Variants in ITPR1 observed in about 807,000 individuals in gnomAD.
The protein encoded by ITPR1 is inositol 1,4,5-trisphosphate receptor type 1, also known as inositol 1,4,5-trisphosphate-gated calcium channel ITPR1.
In ITPR1, 96 loss-of-function variants were observed where a neutral mutation model predicts 318.4. The ratio of observed to expected loss-of-function variants is 0.30; its 90% confidence interval spans 0.26 to 0.36. The LOEUF (loss-of-function observed/expected upper bound fraction) is 0.36. Among genes scored for constraint, ITPR1 ranks in the 10% least tolerant of loss-of-function variants. ITPR1 has a pLI of 1.00. For missense variants in ITPR1, 2,440 were observed against 3,460.2 expected (o/e 0.71, Z 7.40); for synonymous variants, 1,312 against 1,289.9 (o/e 1.02, Z -0.37).
At chr3:4,573,793 T>C (rs2088292900) in intron 4 of ITPR1, among the ~76,000 whole-genome samples, 1 of 152,236 alleles carries the variant, frequency 6.6e-6, no homozygotes, top group Non-Finnish European at 1.5e-5. Context: ...TGTCAACTTT[T>C]TCTATTCTCT....
intron 4 of ITPR1, among the ~76,000 whole-genome samples, chr3:4,581,601 CT>C (rs2089348136): frequency 6.6e-6 from 1 of 152,244 alleles, no homozygotes; most frequent in African/African-American, 2.4e-5. Context: ...AAGCAAACAT[CT>C]ATTTTTGCTT....
At chr3:4,584,489 A>T (rs2089673133) in intron 4 of ITPR1, among the ~76,000 whole-genome samples, 1 of 151,558 alleles carries the variant, frequency 6.6e-6, no homozygotes, top group African/African-American at 2.4e-5. Context: ...GGAAGCGGGG[A>T]GGAGAGGAGA....
chr3:4,523,868 A>G (rs905871401), intron 4 of ITPR1, among the ~76,000 whole-genome samples: 7 of 152,214 alleles, frequency 4.6e-5, no homozygotes, highest in Non-Finnish European at 1.0e-4. Context: ...GGATGTATGT[A>G]TGGTGGCTGA....
At chr3:4,535,696 C>T (rs1011659658) in intron 4 of ITPR1, among the ~76,000 whole-genome samples, 3 of 151,996 alleles carry the variant, frequency 2.0e-5, no homozygotes, top group East Asian at 1.9e-4. Flanking sequence ...CCACCCGCCT[C>T]GGCCTCCCAA....
rs1223462798 is a variant in ITPR1, at chr3:4,779,268, T to C, written c.6292-282T>C. On this transcript the variant is annotated intron_variant, in intron 48 of 61. Coordinates refer to ENST00000649015, the MANE Select transcript of ITPR1 (RefSeq NM_001378452.1). This position sits in a 1 kb window ranked among gnomAD's most constrained non-coding sequence, Gnocchi z 4.0. ...CCACGTGTAAATTCCCAATTTCTTC[T>C]AGGACTTGTACCAGCTAACATTAGG... 1.3e-5 allele frequency among the ~76,000 whole-genome samples: 2 copies of C among 152,228 alleles called. No individual in the cohort carries two copies. Among genetic ancestry groups the C allele is most frequent in the African/African-American group, 4.8e-5 (2 of 41,458 alleles).
chr3:4,793,292 C>T (rs1381021549), intron 52 of ITPR1, among the ~76,000 whole-genome samples: 7 of 152,210 alleles, frequency 4.6e-5, no homozygotes, highest in Non-Finnish European at 7.3e-5. Context: ...ACATTTGATA[C>T]GGAGCACTCC....
At chr3:4,617,328 C>T (rs2092425736) in intron 4 of ITPR1, among the ~76,000 whole-genome samples, 1 of 152,146 alleles carries the variant, frequency 6.6e-6, no homozygotes, top group Non-Finnish European at 1.5e-5. Flanking sequence ...AAGGTGCCAG[C>T]AGGTTTTGGT....
intron 4 of ITPR1, among the ~76,000 whole-genome samples, chr3:4,537,726 T>G (rs997748965): frequency 2.8e-5 from 4 of 145,006 alleles, no homozygotes; most frequent in African/African-American, 1.1e-4. Flanking sequence ...TCAAGAAAAT[T>G]GATTCTCTCT....
Position 4,721,170 on chromosome 3 carries a change from GTGTATATATA to G in ITPR1, c.5136+3773_5136+3782del, listed in dbSNP as rs1292722961. Among the ~76,000 whole-genome samples, 22 of 13,566 alleles carry G rather than the reference GTGTATATATA, an allele frequency of 1.6e-3. No individual in the cohort carries two copies. In the South Asian group the frequency reaches 0.055, roughly 34 times the overall value. 8.9% of individuals were successfully genotyped at this position (13,566 alleles called of 152,430 possible). On this transcript the variant is annotated intron_variant, in intron 40 of 61. Transcript: ENST00000649015. ...TCTGTGTGTAGATACGTGTGTGTGC[GTGTATATATA>G]TATATATATATATATATATATATGC...
intron 33 of ITPR1, among the ~76,000 whole-genome samples, chr3:4,695,933 C>T (rs1253019694): frequency 1.3e-5 from 2 of 152,208 alleles, no homozygotes; most frequent in Admixed American, 1.3e-4. Flanking sequence ...AGTGCTGGAT[C>T]ACAGGAGGTG....
At chr3:4,685,315 G>T in intron 30 of ITPR1, 109 bp downstream of exon 30, 2 of 1,099,442 alleles carry the variant, frequency 1.8e-6, no homozygotes, top group Non-Finnish European at 2.5e-6. Flanking sequence ...CATCCAGTGT[G>T]ACTATTGTGA....
At chr3:4,843,393 C>T (rs1032402318) in intron 61 of ITPR1, among the ~76,000 whole-genome samples, 1 of 152,002 alleles carries the variant, frequency 6.6e-6, no homozygotes, top group Non-Finnish European at 1.5e-5. Flanking sequence ...TGATCTTGTC[C>T]GATTTTGGAG....
At chr3:4,795,291 C>A in intron 53 of ITPR1, 104 bp downstream of exon 53, 1 of 988,906 alleles carries the variant, frequency 1.0e-6, no homozygotes, top group Non-Finnish European at 1.4e-6. Context: ...TACTGGGGAT[C>A]CCAGTTATCC....
chr3:4,511,723 C>T (rs1347212612), intron 2 of ITPR1, among the ~76,000 whole-genome samples: 3 of 152,204 alleles, frequency 2.0e-5, no homozygotes, highest in African/African-American at 7.2e-5. Context: ...GAGTAAGTGG[C>T]AGAGCTGGGG....
At chr3:4,768,428 A>G in intron 45 of ITPR1, 83 bp from the exon 46 acceptor site, 1 of 1,434,014 alleles carries the variant, frequency 7.0e-7, no homozygotes, top group Non-Finnish European at 9.4e-7. Flanking sequence ...AAAGGAATGT[A>G]GGTTTCTGAG....
In ITPR1 at chr3:4,681,656, T is replaced by C. The variant is rs9875642; in HGVS notation, c.3161+238T>C. 6.4e-3 allele frequency among the ~76,000 whole-genome samples: 971 copies of C among 151,430 alleles called. 4 individuals carry two copies. Among genetic ancestry groups the C allele is most frequent in the African/African-American group, 0.023 (928 of 40,966 alleles). ...GTGTGTGTGTGTGTGTGTGTGTGTG[T>C]GTCCCACCTAGGACAGAAAGGATTT... is the stretch of plus-strand genomic sequence containing the variant. On this transcript the variant is annotated intron_variant, in intron 26 of 61. Transcript: ENST00000649015.
At position 4,766,676 on chromosome 3, in the gene ITPR1, T is replaced by C. The variant is rs371661663; in HGVS notation, c.5691T>C (p.Asp1897=). The change falls in exon 45 of 62, where the codon GAT becomes GAC. Residue 1897 remains aspartate (D), a synonymous_variant. Transcript: ENST00000649015. The part of the protein sequence containing the change: ...TSDLGNKKKD[D]EVDRDAPSRK... ...ACTTGGGAAATAAAAAGAAAGACGA[T>C]GAGGTAGACAGGGATGCCCCATCAC... 134 of 1,612,470 alleles carry C rather than the reference T, an allele frequency of 8.3e-5. No individual in the cohort carries two copies. Among genetic ancestry groups the C allele is most frequent in the Non-Finnish European group, 1.0e-4 (121 of 1,179,264 alleles).
intron 4 of ITPR1, among the ~76,000 whole-genome samples, chr3:4,608,047 C>A (rs1294875888): frequency 6.6e-6 from 1 of 152,086 alleles, no homozygotes; most frequent in Non-Finnish European, 1.5e-5. Flanking sequence ...AACTAAATGT[C>A]TCCCAAAGTT....
intron 53 of ITPR1, among the ~76,000 whole-genome samples, chr3:4,797,476 AC>A (rs2047972440): frequency 6.6e-6 from 1 of 152,156 alleles, no homozygotes; most frequent in African/African-American, 2.4e-5. Flanking sequence ...TCTGTGGCTT[AC>A]AAGGTTTGCA....
Sources: gnomAD v4.1 joint callset for allele counts (sites outside exome capture counted in the v4.1 genomes callset) on GRCh38, gnomAD v4.1.1 for gene constraint, Gnocchi (gnomAD v3.1) non-coding constraint, MANE v1.5 for transcripts, NCBI Gene and HGNC (gene_info 2026-07-23, HGNC 2026-07-21) for gene names.